TRAP1: variants seen among roughly 807,000 people sequenced by gnomAD.
The protein encoded by TRAP1 is heat shock protein 75 kDa, mitochondrial.
A neutral mutation model predicts 89.1 loss-of-function variants in TRAP1; 102 were observed. The observed-to-expected ratio is 1.15, with a 90% confidence interval of 0.98 to 1.35. The LOEUF (loss-of-function observed/expected upper bound fraction) is 1.35, where lower values mean the gene tolerates loss of function less well. Ranked by LOEUF, TRAP1 falls within the 40% of genes most tolerant of loss-of-function variation. The pLI is 0.00. For synonymous variants in TRAP1, 508 were observed against 388.0 expected (o/e 1.31, Z -3.64); for missense variants, 1,256 against 945.3 (o/e 1.33, Z -4.31).
At chr16:3,668,507 C>A (rs561471624) in intron 11 of TRAP1, among the ~76,000 whole-genome samples, 1 of 152,324 alleles carries the variant, frequency 6.6e-6, no homozygotes, top group South Asian at 2.1e-4. Context: ...CCAAAGGCAT[C>A]GAGAAGGCAA....
intron 1 of TRAP1, among the ~76,000 whole-genome samples, chr16:3,715,387 A>G (rs958838364): frequency 6.6e-5 from 10 of 151,996 alleles, no homozygotes; most frequent in Non-Finnish European, 1.0e-4. Context: ...GCAGTGAGCC[A>G]AGATCGCGCC....
At chr16:3,706,297 G>A (rs944302819) in intron 1 of TRAP1, among the ~76,000 whole-genome samples, 14 of 151,824 alleles carry the variant, frequency 9.2e-5, no homozygotes, top group Admixed American at 7.9e-4. Flanking sequence ...GGGGTGGGGT[G>A]GGGGTCTCAC....
chr16:3,711,536 T>C (rs571673119), intron 1 of TRAP1, among the ~76,000 whole-genome samples: 10 of 151,878 alleles, frequency 6.6e-5, no homozygotes, highest in South Asian at 2.1e-4. Flanking sequence ...GAGGTGGAGA[T>C]TGCAGTGAGC....
In TRAP1 at chr16:3,663,065, C is replaced by T. The variant is rs2043175198; in HGVS notation, c.1709-98G>A. 4 of 912,574 alleles carry T rather than the reference C, an allele frequency of 4.4e-6. No homozygotes were observed. The South Asian group carries it at 6.6e-5, about 15-fold the overall frequency. 56.5% of individuals were successfully genotyped at this position (912,574 alleles called of 1,614,324 possible). Reference sequence around the variant, plus strand: ...ATGCTTCCAGCTCCCACCTCCTCTCCCACCAGGATGGAGACACAAGCTAGC... The same window carrying T: ...ATGCTTCCAGCTCCCACCTCCTCTCTCACCAGGATGGAGACACAAGCTAGC... On this transcript the variant is annotated intron_variant, in intron 14 of 17. Transcript: ENST00000246957.
intron 1 of TRAP1, among the ~76,000 whole-genome samples, chr16:3,696,060 A>AC (rs1042120044): frequency 6.6e-5 from 10 of 151,902 alleles, no homozygotes; most frequent in African/African-American, 4.8e-5. Flanking sequence ...AGGCGCGATG[A>AC]CCCCCCACTT....
rs771797195 is a variant in TRAP1 at position 3,674,416 on chromosome 16, C to T, written c.967G>A (p.Asp323Asn). The T allele has an allele frequency of 9.9e-6, 16 of 1,613,980 alleles. No homozygotes were observed. Among genetic ancestry groups the T allele is most frequent in the East Asian group, 4.5e-5 (2 of 44,888 alleles). Residue 323 changes from aspartate (D) to asparagine (N), a missense_variant, in exon 9 of 18, where the codon GAC (aspartate) becomes AAC (asparagine). Coordinates refer to ENST00000246957, the MANE Select transcript of TRAP1 (RefSeq NM_016292.3). ...TAGTGCAGGGTGTAGCGGGGCTTGTCGTGAGCCTGCGCGACGTAGCGGTAG... is the reference window on the plus strand; with the variant it reads ...TAGTGCAGGGTGTAGCGGGGCTTGTTGTGAGCCTGCGCGACGTAGCGGTAG... ...EFYRYVAQAH[D>N]KPRYTLHYKT...
At chr16:3,700,217 G>C (rs923826138) in intron 1 of TRAP1, among the ~76,000 whole-genome samples, 6 of 151,968 alleles carry the variant, frequency 3.9e-5, no homozygotes, top group Non-Finnish European at 8.8e-5. Flanking sequence ...GCCCAGGCTG[G>C]AGTGCAATGG....
intron 15 of TRAP1, 31 bp from the exon 16 acceptor site, chr16:3,662,163 A>G (rs1178449886): frequency 6.3e-7 from 1 of 1,594,720 alleles, no homozygotes; most frequent in South Asian, 1.1e-5. Flanking sequence ...TGAGGGTGAT[A>G]GAGGTTCCCA....
intron 1 of TRAP1, among the ~76,000 whole-genome samples, chr16:3,705,637 ATAGAT>A (rs2151281223): frequency 6.6e-6 from 1 of 152,218 alleles, no homozygotes; most frequent in East Asian, 1.9e-4. Context: ...ACTCCGCTGT[ATAGAT>A]TATTTTTTTC....
At chr16:3,680,460 G>A (rs12446102) in intron 4 of TRAP1, among the ~76,000 whole-genome samples, 17,357 of 152,288 alleles carry the variant, frequency 0.11, 1,371 homozygotes, top group Middle Eastern at 0.18. Flanking sequence ...ATCCCCTCTG[G>A]TGGCTCTCTC....
In TRAP1 at chr16:3,661,581, G is replaced by A. The variant is rs151026140; in HGVS notation, c.1940+406C>T. 1,062 of 171,406 alleles carry A rather than the reference G, an allele frequency of 6.2e-3. 8 individuals carry two copies. Among genetic ancestry groups the A allele is most frequent in the Non-Finnish European group, 0.011 (869 of 80,958 alleles). 10.6% of individuals were successfully genotyped at this position (171,406 alleles called of 1,614,324 possible). A position where few individuals can be genotyped will look rare whatever the true frequency, so the allele number is the denominator to read the frequency against. On this transcript the variant is annotated intron_variant, in intron 16 of 17. Coordinates refer to ENST00000246957, the MANE Select transcript of TRAP1 (RefSeq NM_016292.3). ...TGGGTTTCTGCAGCGGACATTATTCGGCTATGAAAATGAACTTGTGGCAGC... is the reference window on the plus strand; with the variant it reads ...TGGGTTTCTGCAGCGGACATTATTCAGCTATGAAAATGAACTTGTGGCAGC...
At chr16:3,663,246 A>G (rs994486746) in intron 14 of TRAP1, 178 bp downstream of exon 14, 1 of 796,416 alleles carries the variant, frequency 1.3e-6, no homozygotes, top group South Asian at 1.8e-5. Context: ...CAGACCCCTG[A>G]TATCTAAACC....
chr16:3,692,393 G>A (rs573707025), intron 1 of TRAP1, among the ~76,000 whole-genome samples: 10 of 151,784 alleles, frequency 6.6e-5, no homozygotes, highest in Admixed American at 2.6e-4. Flanking sequence ...AAAGTTAGCC[G>A]GGCATGGTGG....
chr16:3,659,759 A>G (rs2042958967), intron 16 of TRAP1: 1 of 143,288 alleles, frequency 7.0e-6, no homozygotes, highest in Non-Finnish European at 1.6e-5. Flanking sequence ...TTAGATAGAT[A>G]GATAGATAGA....
chr16:3,700,084 T>C (rs1190067361), intron 1 of TRAP1, among the ~76,000 whole-genome samples: 1 of 152,208 alleles, frequency 6.6e-6, no homozygotes, highest in African/African-American at 2.4e-5. Context: ...AGGAAAAAGC[T>C]TGTATTTCTC....
chr16:3,664,168 G>T, intron 13 of TRAP1, 106 bp downstream of exon 13: 1 of 1,259,940 alleles, frequency 7.9e-7, no homozygotes, highest in Non-Finnish European at 1.1e-6. Flanking sequence ...CCACTGTGCA[G>T]CCCTGCCCGG....
At chr16:3,701,659 T>C (rs1478918462) in intron 1 of TRAP1, among the ~76,000 whole-genome samples, 1 of 151,562 alleles carries the variant, frequency 6.6e-6, no homozygotes, top group African/African-American at 2.4e-5. Context: ...CCAAACTATA[T>C]ATGAACACAG....
intron 1 of TRAP1, among the ~76,000 whole-genome samples, chr16:3,696,099 G>T (rs1430682838): frequency 6.6e-6 from 1 of 152,190 alleles, no homozygotes; most frequent in Non-Finnish European, 1.5e-5. Flanking sequence ...TCCAAAAGCT[G>T]TTCCAGTTTC....
chr16:3,663,491 C>A lies in TRAP1; in HGVS notation c.1641G>T (p.Leu547=). ...LHLREFDKKK[L]ISVETDIVVD... is the part of the protein sequence containing the mutation. ...CGACTATGTCCGTCTCCACAGAGAT[C>A]AGCTTCTTCTTGTCAAACTCACGAA... Residue 547 remains leucine, a synonymous_variant, in exon 14 of 18, where the codon CTG becomes CTT. Transcript: ENST00000246957. The A allele has an allele frequency of 6.2e-7, 1 of 1,614,210 alleles. No individual in the cohort carries two copies.
Sources: allele counts gnomAD v4.1 joint callset (sites outside exome capture counted in the v4.1 genomes callset), GRCh38; gene constraint gnomAD v4.1.1; transcripts MANE v1.5; gene names NCBI Gene and HGNC (gene_info 2026-07-23, HGNC 2026-07-21).